The following GREB1L variants were observed in gnomAD, a reference collection of about 807,000 sequenced individuals.
GREB1L encodes the protein GREB1-like protein.
Under a neutral mutation model 200.8 loss-of-function variants are expected in GREB1L, and 17 were observed. The observed-to-expected ratio is 0.08, with a 90% CI of 0.06 to 0.13. The LOEUF (loss-of-function observed/expected upper bound fraction) is 0.13, where lower values mean the gene tolerates loss of function less well. GREB1L is among the 10% of genes least tolerant of loss of function. The probability of loss-of-function intolerance (pLI) is 1.00; values close to 1 mark genes in which losing one functional copy is unlikely to be tolerated. For synonymous variants in GREB1L, 789 were observed against 893.0 expected, an observed-to-expected ratio of 0.88 and a Z score of 2.08; for missense variants, 1,657 against 2,367.7, an observed-to-expected ratio of 0.70 and a Z score of 6.23.
At chr18:21,265,262 G>A (rs368381268) in intron 1 of GREB1L, among the ~76,000 whole-genome samples, 4 of 152,030 alleles carry the variant, frequency 2.6e-5, no homozygotes, top group Non-Finnish European at 5.9e-5. Context: ...CTGTGTGTAC[G>A]AAATTCCCAT....
intron 17 of GREB1L, among the ~76,000 whole-genome samples, chr18:21,479,480 A>C (rs1384149847): frequency 6.6e-6 from 1 of 151,970 alleles, no homozygotes; most frequent in Admixed American, 6.6e-5. Flanking sequence ...GGAGTTCAAG[A>C]CCAGCCTGGG....
chr18:21,304,063 G>A lies in GREB1L; in HGVS notation c.-120+61670G>A, dbSNP rs541092428. On this transcript the variant is annotated intron_variant, in intron 1 of 32. Coordinates refer to ENST00000424526, the MANE Select transcript of GREB1L (RefSeq NM_001142966.3). Reference sequence around the variant, plus strand: ...CCATAGAATTTACTCTTTTGATGTAGCAGTACTGATAAACCTTTCCTGCAA... The same window carrying A: ...CCATAGAATTTACTCTTTTGATGTAACAGTACTGATAAACCTTTCCTGCAA... 3.0e-4 allele frequency among the ~76,000 whole-genome samples: 45 copies of A among 152,188 alleles called. 1 individual carries two copies. The highest frequency in any genetic ancestry group is 6.8e-3 in the Middle Eastern group (2 of 294).
chr18:21,401,923 A>G (rs902018484), intron 6 of GREB1L: 1 of 150,906 alleles, frequency 6.6e-6, no homozygotes, highest in African/African-American at 2.5e-5. Context: ...GTATTTAATT[A>G]TTATTCTATT....
intron 1 of GREB1L, among the ~76,000 whole-genome samples, chr18:21,267,422 T>A (rs1037120189): frequency 6.6e-6 from 1 of 152,118 alleles, no homozygotes; most frequent in African/African-American, 2.4e-5. Context: ...CCTCAGGTGA[T>A]CTACCTGCCT....
intron 7 of GREB1L, among the ~76,000 whole-genome samples, chr18:21,416,331 G>C (rs2094199282): frequency 6.6e-6 from 1 of 152,140 alleles, no homozygotes; most frequent in Non-Finnish European, 1.5e-5. Context: ...TAATTGGAGG[G>C]CCTGAAGGTG....
intron 7 of GREB1L, among the ~76,000 whole-genome samples, chr18:21,406,998 C>T (rs867363070): frequency 4.0e-5 from 6 of 151,410 alleles, no homozygotes; most frequent in South Asian, 4.2e-4. Flanking sequence ...CCCTAGCCTT[C>T]CGAGTAGCTG....
At chr18:21,269,145 T>A (rs1273613815) in intron 1 of GREB1L, among the ~76,000 whole-genome samples, 1 of 152,146 alleles carries the variant, frequency 6.6e-6, no homozygotes, top group Non-Finnish European at 1.5e-5. Context: ...GAAGATGTCA[T>A]AAACAGAAAA....
intron 1 of GREB1L, among the ~76,000 whole-genome samples, chr18:21,276,924 CTT>C (rs573871373): frequency 0.022 from 2,332 of 107,560 alleles, 72 homozygotes; most frequent in African/African-American, 0.088. Flanking sequence ...CAGCCCAGCC[CTT>C]TTTTTTTTTT....
intron 1 of GREB1L, among the ~76,000 whole-genome samples, chr18:21,251,275 CTT>C (rs1215414058): frequency 1.3e-5 from 2 of 152,116 alleles, no homozygotes; most frequent in African/African-American, 2.4e-5. Context: ...GTTGTTACAA[CTT>C]TTTCCATGAT....
intron 1 of GREB1L, among the ~76,000 whole-genome samples, chr18:21,333,543 C>A (rs1226184425): frequency 6.6e-6 from 1 of 151,868 alleles, no homozygotes; most frequent in Admixed American, 6.6e-5. Context: ...GGTGTGGTGG[C>A]AGGTGCCTGT....
intron 1 of GREB1L, among the ~76,000 whole-genome samples, chr18:21,249,845 G>A (rs1169633593): frequency 1.3e-5 from 2 of 148,448 alleles, no homozygotes; most frequent in African/African-American, 5.0e-5. Flanking sequence ...GGCAACAAGA[G>A]CAAAACTCTG....
At chr18:21,309,011 G>T (rs568931576) in intron 1 of GREB1L, among the ~76,000 whole-genome samples, 10 of 152,332 alleles carry the variant, frequency 6.6e-5, no homozygotes, top group African/African-American at 2.2e-4. Context: ...TGGGAATCTT[G>T]TAGAGTATCA....
At chr18:21,476,819 T>C (rs1045109883) in intron 16 of GREB1L, among the ~76,000 whole-genome samples, 1 of 151,990 alleles carries the variant, frequency 6.6e-6, no homozygotes, top group African/African-American at 2.4e-5. Flanking sequence ...CCTCAGGTGG[T>C]CCATCTGCCT....
rs772389893 is a variant in GREB1L at position 21,502,888 on chromosome 18, C to T, written c.4072+2246C>T. Reference sequence around the variant, plus strand: ...AGTGATCTTGACTCTTACTCTGTGCCGGTGAGCTGTGAGAGTCTGCTACAG... The same window carrying T: ...AGTGATCTTGACTCTTACTCTGTGCTGGTGAGCTGTGAGAGTCTGCTACAG... On this transcript the variant is annotated intron_variant, in intron 23 of 32. Coordinates refer to ENST00000424526, the MANE Select transcript of GREB1L (RefSeq NM_001142966.3). Among the ~76,000 whole-genome samples, 18 of 152,254 alleles carry T rather than the reference C, an allele frequency of 1.2e-4. No individual in the cohort carries two copies. In the South Asian group the frequency reaches 3.1e-3, roughly 26 times the overall value.
At chr18:21,258,434 G>A (rs149695011) in intron 1 of GREB1L, among the ~76,000 whole-genome samples, 72 of 152,328 alleles carry the variant, frequency 4.7e-4, no homozygotes, top group African/African-American at 1.6e-3. Flanking sequence ...ACAAATAATA[G>A]TAGCAGGTCT....
intron 1 of GREB1L, among the ~76,000 whole-genome samples, chr18:21,322,097 C>T (rs1459567320): frequency 1.3e-5 from 2 of 152,082 alleles, no homozygotes; most frequent in African/African-American, 2.4e-5. Flanking sequence ...TCATGAAAAT[C>T]GACTTTTGAA....
intron 15 of GREB1L, among the ~76,000 whole-genome samples, chr18:21,472,142 T>C (rs1285082703): frequency 6.6e-6 from 1 of 152,244 alleles, no homozygotes. Flanking sequence ...TTTTCTGTTA[T>C]ACCGTTTAGG....
chr18:21,489,041 T>C (rs1293947281), intron 18 of GREB1L, among the ~76,000 whole-genome samples: 1 of 152,216 alleles, frequency 6.6e-6, no homozygotes. Context: ...AGCACCTGCT[T>C]TCTTGACTAG....
intron 7 of GREB1L, among the ~76,000 whole-genome samples, chr18:21,425,788 C>A (rs1414048316): frequency 6.6e-6 from 1 of 152,012 alleles, no homozygotes; most frequent in African/African-American, 2.4e-5. Context: ...AATACAAGTC[C>A]TATATCATAT....
Sources: gnomAD v4.1 joint callset for allele counts (sites outside exome capture counted in the v4.1 genomes callset) on GRCh38, gnomAD v4.1.1 for gene constraint, MANE v1.5 for transcripts, NCBI Gene and HGNC (gene_info 2026-07-23, HGNC 2026-07-21) for gene names.